The following FAM81B variants were observed in gnomAD, a reference collection of about 807,000 sequenced individuals.
FAM81B encodes the protein protein FAM81B.
A neutral mutation model predicts 58.7 loss-of-function variants in FAM81B; 60 were observed. The observed-to-expected ratio is 1.02, with a 90% CI of 0.83 to 1.27. The LOEUF (loss-of-function observed/expected upper bound fraction) is 1.27, where lower values mean the gene tolerates loss of function less well. Ranked by LOEUF, FAM81B falls within the 50% of genes most tolerant of loss-of-function variation. The probability of loss-of-function intolerance (pLI) is 0.00; values close to 1 mark genes in which losing one functional copy is unlikely to be tolerated. For missense variants in FAM81B, 491 were observed against 522.0 expected (o/e 0.94, Z 0.58); for synonymous variants, 189 against 179.6 (o/e 1.05, Z -0.42).
At position 95,391,937 on chromosome 5, in the gene FAM81B, AGT is replaced by A. The variant is rs1761830837; in HGVS notation, c.124+426_124+427del. Reference sequence around the variant, plus strand: ...AAATTAGTTCAACCATGTGGAAGACAGTGAGGTGATTCCTCAAGGATCTAGAA... The same window carrying A: ...AAATTAGTTCAACCATGTGGAAGACAGAGGTGATTCCTCAAGGATCTAGAA... On this transcript the variant is annotated intron_variant, in intron 1 of 9. Transcript: ENST00000283357. Among the ~76,000 whole-genome samples the A allele has an allele frequency of 2.6e-5, 4 of 152,366 alleles. No homozygotes were observed. The South Asian group carries it at 8.3e-4, about 32-fold the overall frequency.
intron 8 of FAM81B, among the ~76,000 whole-genome samples, chr5:95,447,253 C>T (rs954272942): frequency 6.6e-6 from 1 of 152,200 alleles, no homozygotes; most frequent in African/African-American, 2.4e-5. Flanking sequence ...GGCAGCACAG[C>T]GCCATCACTG....
chr5:95,448,288 T>A lies in FAM81B; in HGVS notation c.1049T>A (p.Met350Lys), dbSNP rs755715633. The A allele has an allele frequency of 6.9e-6, 11 of 1,601,026 alleles. No individual in the cohort carries two copies. The South Asian group carries it at 1.1e-4, about 17-fold the overall frequency. Residue 350 changes from methionine (M) to lysine (K), a missense_variant, in exon 9 of 10, where the codon ATG (methionine) becomes AAG (lysine). Transcript: ENST00000283357. ...TTACAGGAAAAGTCTGAAAATAAAA[T>A]GGAAGAAAAACTGCTGCAGCTTTCA... The part of the protein sequence containing the change: ...QEKLEKSENK[M>K]EEKLLQLSSK...
At chr5:95,422,058 CA>C (rs1417029534) in intron 5 of FAM81B, among the ~76,000 whole-genome samples, 2 of 151,992 alleles carry the variant, frequency 1.3e-5, no homozygotes, top group African/African-American at 2.4e-5. Context: ...GCATGGAGCT[CA>C]AAAGGGGAGG....
chr5:95,398,599 C>T (rs1762025525), intron 3 of FAM81B, among the ~76,000 whole-genome samples: 1 of 152,088 alleles, frequency 6.6e-6, no homozygotes, highest in African/African-American at 2.4e-5. Context: ...GCCTTAAAAC[C>T]TATATGGGTA....
At chr5:95,439,882 C>T (rs576946025) in intron 7 of FAM81B, among the ~76,000 whole-genome samples, 11 of 151,952 alleles carry the variant, frequency 7.2e-5, no homozygotes, top group African/African-American at 2.4e-4. Flanking sequence ...AGTCAGACAC[C>T]GTGGCACACA....
chr5:95,450,119 A>C, intron 9 of FAM81B, 30 bp from the exon 10 acceptor site: 1 of 1,585,236 alleles, frequency 6.3e-7, no homozygotes, highest in South Asian at 1.2e-5. Context: ...TGCATTGTTT[A>C]AGTGTACCTA....
chr5:95,437,339 A>C (rs1745145193), intron 7 of FAM81B, among the ~76,000 whole-genome samples: 1 of 151,946 alleles, frequency 6.6e-6, no homozygotes, highest in African/African-American at 2.4e-5. Flanking sequence ...CATTATCATT[A>C]TTTTATTATT....
intron 5 of FAM81B, chr5:95,424,326 A>G: frequency 1.0e-6 from 1 of 955,910 alleles, no homozygotes; most frequent in East Asian, 6.1e-5. Flanking sequence ...ATAGATACAT[A>G]AAACATAAGC....
rs201688877 is a variant in FAM81B at position 95,436,872 on chromosome 5, G to C, written c.859G>C (p.Asp287His). Residue 287 changes from aspartate to histidine, a missense_variant, in exon 7 of 10, where the codon GAT becomes CAT. Asp to His is a moderately conservative substitution (Grantham distance 81, BLOSUM62 -1). Transcript: ENST00000283357. ...CTCGAATTTAAAGATGGTCCAGGGG[G>C]ATTATCGCCACGAAATGAACCTTTT... is the stretch of plus-strand genomic sequence containing the variant. ...QTSNLKMVQG[D>H]YRHEMNLLEF... 4 of 1,613,800 alleles carry C rather than the reference G, an allele frequency of 2.5e-6. No individual in the cohort carries two copies. The highest frequency in any genetic ancestry group is 1.3e-5 in the African/African-American group (1 of 74,914).
rs1201995043 is a variant in FAM81B, at chr5:95,423,546, G to C, written c.656+3144G>C. Among the ~76,000 whole-genome samples, 6 of 74,010 alleles carry C rather than the reference G, an allele frequency of 8.1e-5. No individual in the cohort carries two copies. The South Asian group carries it at 1.6e-3, about 20-fold the overall frequency. 48.6% of individuals were successfully genotyped at this position (74,010 alleles called of 152,430 possible). A position where few individuals can be genotyped will look rare whatever the true frequency, so the allele number is the denominator to read the frequency against. ...GACTCCAGAACAAACCTGCATGTGGGTAAAAAAAAAAAAAAAAAAAAAGAT... is the reference window on the plus strand; with the variant it reads ...GACTCCAGAACAAACCTGCATGTGGCTAAAAAAAAAAAAAAAAAAAAAGAT... On this transcript the variant is annotated intron_variant, in intron 5 of 9. Coordinates refer to ENST00000283357, the MANE Select transcript of FAM81B (RefSeq NM_152548.3).
chr5:95,395,146 T>G (rs1271498449), intron 2 of FAM81B, among the ~76,000 whole-genome samples: 1 of 152,122 alleles, frequency 6.6e-6, no homozygotes, highest in East Asian at 1.9e-4. Context: ...CATTAGAATT[T>G]AAGGCATTTT....
intron 4 of FAM81B, among the ~76,000 whole-genome samples, chr5:95,417,013 C>T (rs896211136): frequency 6.6e-6 from 1 of 152,126 alleles, no homozygotes; most frequent in Non-Finnish European, 1.5e-5. Flanking sequence ...CACTGCACTC[C>T]AGCCTGGGCG....
chr5:95,436,528 C>A (rs978179276), intron 6 of FAM81B, among the ~76,000 whole-genome samples: 1 of 152,076 alleles, frequency 6.6e-6, no homozygotes, highest in Non-Finnish European at 1.5e-5. Flanking sequence ...TTTGTTATAT[C>A]ATTAGATGGC....
chr5:95,394,312 T>C (rs181702154), intron 2 of FAM81B, among the ~76,000 whole-genome samples: 1 of 152,188 alleles, frequency 6.6e-6, no homozygotes. Context: ...GAGGACAAGT[T>C]AGTGCCCTTG....
At chr5:95,398,200 C>T (rs1762011507) in intron 3 of FAM81B, among the ~76,000 whole-genome samples, 1 of 152,120 alleles carries the variant, frequency 6.6e-6, no homozygotes, top group Non-Finnish European at 1.5e-5. Flanking sequence ...GGGCAGATCA[C>T]CTGATGTCAG....
At chr5:95,426,781 G>A (rs1380277804) in intron 5 of FAM81B, among the ~76,000 whole-genome samples, 1 of 152,188 alleles carries the variant, frequency 6.6e-6, no homozygotes, top group Non-Finnish European at 1.5e-5. Flanking sequence ...GGGCGCGGTG[G>A]CTCACGCCTG....
At chr5:95,441,383 G>A (rs1745338908) in intron 7 of FAM81B, among the ~76,000 whole-genome samples, 2 of 151,976 alleles carry the variant, frequency 1.3e-5, no homozygotes, top group Non-Finnish European at 2.9e-5. Flanking sequence ...ATCCTGGCCA[G>A]CATAGTGAAA....
At chr5:95,418,346 C>T (rs1315415249) in intron 4 of FAM81B, among the ~76,000 whole-genome samples, 3 of 151,756 alleles carry the variant, frequency 2.0e-5, no homozygotes, top group Admixed American at 1.3e-4. Flanking sequence ...AAGGAGAAGC[C>T]GTAAAGAGCT....
chr5:95,449,289 C>T (rs955220205), intron 9 of FAM81B, among the ~76,000 whole-genome samples: 1 of 152,220 alleles, frequency 6.6e-6, no homozygotes, highest in Middle Eastern at 3.4e-3. Flanking sequence ...AATTTGCTGC[C>T]TGGAAATTCA....
Sources: allele counts gnomAD v4.1 joint callset (sites outside exome capture counted in the v4.1 genomes callset), GRCh38; gene constraint gnomAD v4.1.1; transcripts MANE v1.5; gene names NCBI Gene and HGNC (gene_info 2026-07-23, HGNC 2026-07-21).